CNTN6: variants seen among roughly 807,000 people sequenced by gnomAD.
CNTN6 encodes the protein contactin-6.
A neutral mutation model predicts 122.8 loss-of-function variants in CNTN6; 137 were observed. The ratio of observed to expected loss-of-function variants is 1.12; its 90% CI spans 0.97 to 1.29. The LOEUF (loss-of-function observed/expected upper bound fraction) is 1.29. CNTN6 is among the 50% of genes most tolerant of loss of function. The pLI, the probability that CNTN6 is intolerant of heterozygous loss-of-function variation, is 0.00. For synonymous variants in CNTN6, 570 were observed against 426.0 expected, an observed-to-expected ratio of 1.34 and a Z score of -4.16; for missense variants, 1,634 against 1,223.4, an observed-to-expected ratio of 1.34 and a Z score of -5.01.
chr3:1,383,575 A>G (rs1423099874), intron 19 of CNTN6, among the ~76,000 whole-genome samples, 167 bp downstream of exon 19: 1 of 152,188 alleles, frequency 6.6e-6, no homozygotes, highest in Non-Finnish European at 1.5e-5. Context: ...CCCCACATTG[A>G]GAGGCTTAGC....
chr3:1,094,122 C>A (rs1024959344), intron 1 of CNTN6, among the ~76,000 whole-genome samples: 2 of 152,156 alleles, frequency 1.3e-5, no homozygotes, highest in African/African-American at 2.4e-5. Flanking sequence ...AAAGAAGAAG[C>A]ATATGCTGAA....
intron 11 of CNTN6, among the ~76,000 whole-genome samples, chr3:1,340,186 A>T (rs1385373568): frequency 6.6e-6 from 1 of 152,168 alleles, no homozygotes; most frequent in East Asian, 1.9e-4. Flanking sequence ...GTATAATCTT[A>T]AACACAACAC....
intron 16 of CNTN6, among the ~76,000 whole-genome samples, chr3:1,374,753 G>A (rs1321087232): frequency 1.3e-5 from 2 of 151,944 alleles, no homozygotes; most frequent in East Asian, 3.9e-4. Context: ...CATAAACAAA[G>A]GATCACTTGT....
intron 4 of CNTN6, among the ~76,000 whole-genome samples, chr3:1,241,517 A>G (rs948106876): frequency 1.3e-5 from 2 of 152,158 alleles, no homozygotes; most frequent in Non-Finnish European, 2.9e-5. Flanking sequence ...TTGAGAAGCT[A>G]AACGGAAGAT....
chr3:1,384,918 C>A (rs983406559), intron 19 of CNTN6, among the ~76,000 whole-genome samples: 2 of 151,316 alleles, frequency 1.3e-5, no homozygotes, highest in Non-Finnish European at 2.9e-5. Flanking sequence ...TACCTCTTAT[C>A]TGAACCCTAG....
chr3:1,226,131 G>A (rs1238362437), intron 3 of CNTN6, among the ~76,000 whole-genome samples: 7 of 151,928 alleles, frequency 4.6e-5, no homozygotes, highest in Admixed American at 1.3e-4. Context: ...TGCCCACCAC[G>A]GCCTCCCAAA....
chr3:1,172,948 C>T (rs2093384962), intron 2 of CNTN6, among the ~76,000 whole-genome samples: 1 of 152,172 alleles, frequency 6.6e-6, no homozygotes, highest in African/African-American at 2.4e-5. Flanking sequence ...ACATAATGCA[C>T]ATGTCTTCCT....
chr3:1,386,402 T>A (rs1348323531), intron 20 of CNTN6, among the ~76,000 whole-genome samples: 2 of 152,190 alleles, frequency 1.3e-5, no homozygotes, highest in Non-Finnish European at 2.9e-5. Flanking sequence ...ACTCTTCTGT[T>A]TTGTCTTATA....
intron 2 of CNTN6, among the ~76,000 whole-genome samples, chr3:1,175,398 AAAAC>A (rs1352132878): frequency 4.8e-5 from 7 of 147,222 alleles, no homozygotes; most frequent in Middle Eastern, 3.4e-3. Flanking sequence ...GGTATAGGCA[AAAAC>A]AAACAAACAA....
In CNTN6 at chr3:1,174,880, C is replaced by T. The variant is rs116627890; in HGVS notation, c.55+26817C>T. Among the ~76,000 whole-genome samples, 1,497 of 152,236 alleles carry T rather than the reference C, an allele frequency of 9.8e-3. 32 individuals carry two copies. Among genetic ancestry groups the T allele is most frequent in the African/African-American group, 0.034 (1,433 of 41,544 alleles). On this transcript the variant is annotated intron_variant, in intron 2 of 22. Transcript: ENST00000446702. ...ATAATTGTTTATTCTTATATGCATG[C>T]GCCCACACACGCGTGTGCACACACA... is the stretch of plus-strand genomic sequence containing the variant.
chr3:1,303,866 G>T (rs9823272), intron 7 of CNTN6, among the ~76,000 whole-genome samples: 6,130 of 152,154 alleles, frequency 0.04, 409 homozygotes, highest in African/African-American at 0.14. Context: ...TATTAAGGCT[G>T]GTTTACTACT....
chr3:1,303,394 A>C (rs1697770697), intron 7 of CNTN6, among the ~76,000 whole-genome samples: 1 of 152,138 alleles, frequency 6.6e-6, no homozygotes, highest in African/African-American at 2.4e-5. Context: ...CTAAACTTTT[A>C]GCGTGAGGTT....
chr3:1,370,801 T>C (rs1464179280), intron 12 of CNTN6, among the ~76,000 whole-genome samples: 1 of 152,016 alleles, frequency 6.6e-6, no homozygotes, highest in Non-Finnish European at 1.5e-5. Context: ...TGAGCTAAGA[T>C]GGCATCACTG....
At chr3:1,321,170 T>G (rs1245269024) in intron 7 of CNTN6, among the ~76,000 whole-genome samples, 1 of 151,680 alleles carries the variant, frequency 6.6e-6, no homozygotes, top group Non-Finnish European at 1.5e-5. Context: ...ATACTTTATA[T>G]TTTTGCCTTA....
chr3:1,290,728 A>G (rs974574772), intron 5 of CNTN6, among the ~76,000 whole-genome samples: 22 of 152,182 alleles, frequency 1.4e-4, no homozygotes, highest in African/African-American at 5.1e-4. Context: ...CAAAATAATC[A>G]TTATATACCT....
chr3:1,371,772 G>T (rs1023513940), intron 12 of CNTN6, among the ~76,000 whole-genome samples: 1 of 152,068 alleles, frequency 6.6e-6, no homozygotes, highest in Non-Finnish European at 1.5e-5. Context: ...TATTCATGTT[G>T]CATCTTTAAC....
chr3:1,155,580 G>C (rs1304988797), intron 2 of CNTN6, among the ~76,000 whole-genome samples: 4 of 152,116 alleles, frequency 2.6e-5, no homozygotes, highest in Admixed American at 1.3e-4. Flanking sequence ...ACTTGACCTA[G>C]GCAGGGGTAA....
intron 9 of CNTN6, 28 bp from the exon 10 acceptor site, chr3:1,327,429 C>T (rs1701688884): frequency 1.2e-6 from 2 of 1,602,180 alleles, no homozygotes; most frequent in Non-Finnish European, 1.7e-6. Flanking sequence ...AACGTACAAG[C>T]ATCTTTATAT....
At chr3:1,343,044 C>T (rs1043503747) in intron 11 of CNTN6, among the ~76,000 whole-genome samples, 2 of 152,138 alleles carry the variant, frequency 1.3e-5, no homozygotes, top group African/African-American at 4.8e-5. Flanking sequence ...CCTCAGCCTA[C>T]TCAGTGTCAA....
Sources: allele counts gnomAD v4.1 joint callset (sites outside exome capture counted in the v4.1 genomes callset), GRCh38; gene constraint gnomAD v4.1.1; transcripts MANE v1.5; gene names NCBI Gene and HGNC (gene_info 2026-07-23, HGNC 2026-07-21).